TMEM74: variants seen among roughly 807,000 people sequenced by gnomAD.
The protein encoded by TMEM74 is transmembrane protein 74.
A neutral mutation model predicts 18.1 loss-of-function variants in TMEM74; 13 were observed. The observed-to-expected ratio is 0.72, with a 90% CI of 0.47 to 1.14. The LOEUF (loss-of-function observed/expected upper bound fraction) is 1.14. TMEM74 is among the 50% of genes most tolerant of loss of function. TMEM74 has a pLI of 0.00. For missense variants in TMEM74, 372 were observed against 375.9 expected, an observed-to-expected ratio of 0.99 and a Z score of 0.09; for synonymous variants, 159 against 146.6, an observed-to-expected ratio of 1.08 and a Z score of -0.61.
intron 1 of TMEM74, among the ~76,000 whole-genome samples, chr8:108,690,373 CTGTTTTTTTTTGTT>C (rs1042374619): frequency 6.9e-6 from 1 of 144,240 alleles, no homozygotes; most frequent in African/African-American, 2.6e-5. Flanking sequence ...AATTACAATA[CTGTTTTTTTTTGTT>C]TGTTTTTTTT....
chr8:108,663,021 C>T lies in TMEM74; in HGVS notation n.120-7584G>A, dbSNP rs1309870066. Among the ~76,000 whole-genome samples, 3 of 152,016 alleles carry T rather than the reference C, an allele frequency of 2.0e-5. 1 individual carries two copies. The highest frequency in any genetic ancestry group is 4.1e-4 in the South Asian group (2 of 4,822). On this transcript the variant is annotated intron_variant and non_coding_transcript_variant, in intron 1 of 3. Transcript: ENST00000518838. ...TGCCTTGGCTATTCGAGCTCTTTTTCGGTTCCATATGAATTTTAAAATAGG... is the reference window on the plus strand; with the variant it reads ...TGCCTTGGCTATTCGAGCTCTTTTTTGGTTCCATATGAATTTTAAAATAGG...
intron 2 of TMEM74, among the ~76,000 whole-genome samples, chr8:108,642,610 T>TGAGA (rs1401812576): frequency 6.6e-6 from 1 of 152,116 alleles, no homozygotes; most frequent in Non-Finnish European, 1.5e-5. Flanking sequence ...TTAGAATTAA[T>TGAGA]TAACTACTGA....
chr8:108,748,387 C>T (rs1224765118), intron 1 of TMEM74, among the ~76,000 whole-genome samples: 1 of 151,946 alleles, frequency 6.6e-6, no homozygotes, highest in East Asian at 1.9e-4. Context: ...CTATTTATGT[C>T]CTTTGCCCAC....
At chr8:108,661,537 A>G (rs1316753505) in intron 1 of TMEM74, among the ~76,000 whole-genome samples, 1 of 152,026 alleles carries the variant, frequency 6.6e-6, no homozygotes, top group Admixed American at 6.6e-5. Context: ...ATCCCTTAGA[A>G]TTTCAATTTT....
intron 1 of TMEM74, among the ~76,000 whole-genome samples, chr8:108,698,199 T>G (rs1813300348): frequency 6.6e-6 from 1 of 152,244 alleles, no homozygotes. Flanking sequence ...TCAGAGAAAT[T>G]CAGTTACTTT....
Position 108,779,768 on chromosome 8 carries a change from A to C in TMEM74, c.*4413T>G, listed in dbSNP as rs1156809522. ...TATAGTCCAAATGCACATAGACTTG[A>C]GTGCACATAAATCTGCACACAAACA... On this transcript the variant is annotated 3_prime_UTR_variant, in exon 2 of 2. Transcript: ENST00000297459. 6.6e-6 allele frequency among the ~76,000 whole-genome samples: 1 copy of C among 152,200 alleles called. No homozygotes were observed. The highest frequency in any genetic ancestry group is 1.5e-5 in the Non-Finnish European group (1 of 68,038).
Position 108,783,315 on chromosome 8 carries a change from G to T in TMEM74, c.*866C>A, listed in dbSNP as rs1343734128. On this transcript the variant is annotated 3_prime_UTR_variant, in exon 2 of 2. Transcript: ENST00000297459. ...TGACTCAGGCCTGTCTAGATGTTTA[G>T]ATGTCTGGAAATATATTTAAAATGT... Among the ~76,000 whole-genome samples, 2 of 152,172 alleles carry T rather than the reference G, an allele frequency of 1.3e-5. No homozygotes were observed.
intron 2 of TMEM74, among the ~76,000 whole-genome samples, chr8:108,644,959 T>A (rs552100166): frequency 6.6e-6 from 1 of 152,264 alleles, no homozygotes; most frequent in South Asian, 2.1e-4. Flanking sequence ...CTCAAAGAAT[T>A]TAAAACAGGA....
intron 1 of TMEM74, chr8:108,655,552 T>C (rs1013695314): frequency 3.3e-4 from 51 of 152,250 alleles, no homozygotes; most frequent in African/African-American, 1.1e-3. Flanking sequence ...GCCAAAATCA[T>C]TGATGGCAAA....
At chr8:108,742,016 G>A (rs948394037) in intron 1 of TMEM74, among the ~76,000 whole-genome samples, 1 of 152,104 alleles carries the variant, frequency 6.6e-6, no homozygotes, top group African/African-American at 2.4e-5. Context: ...TGGAGTTACA[G>A]GCTATTATCC....
At chr8:108,622,678 T>C (rs889882453) in intron 2 of TMEM74, among the ~76,000 whole-genome samples, 1 of 152,112 alleles carries the variant, frequency 6.6e-6, no homozygotes, top group Admixed American at 6.6e-5. Flanking sequence ...GTTATCTTAG[T>C]ATTTTATAGT....
At chr8:108,776,204 A>G (rs1814231957), downstream of TMEM74, among the ~76,000 whole-genome samples, 1 of 152,242 alleles carries the variant, frequency 6.6e-6, no homozygotes, top group Non-Finnish European at 1.5e-5. Context: ...TGTTTAAAAG[A>G]TAATTACGCT....
At chr8:108,692,773 A>G (rs1490683660) in intron 1 of TMEM74, among the ~76,000 whole-genome samples, 1 of 152,212 alleles carries the variant, frequency 6.6e-6, no homozygotes, top group African/African-American at 2.4e-5. Flanking sequence ...TTCTGTCACA[A>G]TGAATGGTAC....
At chr8:108,648,326 T>C (rs1380150977) in intron 2 of TMEM74, among the ~76,000 whole-genome samples, 2 of 152,082 alleles carry the variant, frequency 1.3e-5, no homozygotes, top group Non-Finnish European at 2.9e-5. Context: ...TGAGCAAGCC[T>C]GCAGGGGAAA....
chr8:108,640,555 C>T (rs1189001143), intron 2 of TMEM74, among the ~76,000 whole-genome samples: 1 of 151,940 alleles, frequency 6.6e-6, no homozygotes, highest in African/African-American at 2.4e-5. Flanking sequence ...TCATCCATTT[C>T]TTTTTCTCAA....
At chr8:108,638,580 A>G (rs1812630250) in intron 2 of TMEM74, among the ~76,000 whole-genome samples, 1 of 151,336 alleles carries the variant, frequency 6.6e-6, no homozygotes, top group Non-Finnish European at 1.5e-5. Flanking sequence ...AAAAAAAAAA[A>G]GTTTATCGGG....
chr8:108,750,488 T>C (rs1813893289), intron 1 of TMEM74, among the ~76,000 whole-genome samples: 1 of 152,006 alleles, frequency 6.6e-6, no homozygotes, highest in South Asian at 2.1e-4. Flanking sequence ...TGTTGGGTGA[T>C]GGTTTGGCAG....
rs538358532 is a variant in TMEM74, at chr8:108,610,676, A to G, written n.265-1850T>C. On this transcript the variant is annotated intron_variant and non_coding_transcript_variant, in intron 2 of 3. Transcript: ENST00000518838. Reference sequence around the variant, plus strand: ...TCCAGGCTGGGGAACCAGCAGTTGGAAAGGACTTGAAGTAGAAGTGTGTCT... The same window carrying G: ...TCCAGGCTGGGGAACCAGCAGTTGGGAAGGACTTGAAGTAGAAGTGTGTCT... Among the ~76,000 whole-genome samples, 6 of 152,310 alleles carry G rather than the reference A, an allele frequency of 3.9e-5. No homozygotes were observed. In the South Asian group the frequency reaches 1.2e-3, roughly 32 times the overall value.
rs550823510 is a variant in TMEM74 at position 108,779,338 on chromosome 8, T to C, written c.*4843A>G. Among the ~76,000 whole-genome samples the C allele has an allele frequency of 7.6e-4, 116 of 152,258 alleles. No homozygotes were observed. The highest frequency in any genetic ancestry group is 1.2e-3 in the Non-Finnish European group (82 of 68,004). The stretch of plus-strand genomic sequence containing the variant: ...TCTTTCTTTCTTATATGACATTTGT[T>C]TGGAGCCTGGCTAGGAAGCCTGAAG... On this transcript the variant is annotated 3_prime_UTR_variant, in exon 2 of 2. Transcript: ENST00000297459.
Sources: allele counts gnomAD v4.1 joint callset (sites outside exome capture counted in the v4.1 genomes callset), GRCh38; gene constraint gnomAD v4.1.1; transcripts MANE v1.5; gene names NCBI Gene and HGNC (gene_info 2026-07-23, HGNC 2026-07-21).